Variants in RALGPS2 observed in about 807,000 individuals in gnomAD.
The protein encoded by RALGPS2 is ras-specific guanine nucleotide-releasing factor RalGPS2.
In RALGPS2, 43 loss-of-function variants were observed where a neutral mutation model predicts 86.8. The observed-to-expected ratio is 0.50, with a 90% CI of 0.39 to 0.64. The LOEUF (loss-of-function observed/expected upper bound fraction) is 0.64. Ranked by LOEUF, RALGPS2 falls within the 30% of genes least tolerant of loss-of-function variation. The pLI is 0.00. For synonymous variants in RALGPS2, 243 were observed against 231.3 expected (o/e 1.05, Z -0.46); for missense variants, 536 against 694.6 (o/e 0.77, Z 2.57).
intron 6 of RALGPS2, among the ~76,000 whole-genome samples, chr1:178,814,428 GTCTC>G (rs761885056): frequency 1.3e-5 from 2 of 151,282 alleles, no homozygotes; most frequent in South Asian, 4.2e-4. Flanking sequence ...AAATTACTGA[GTCTC>G]TCTCTCTCTC....
At chr1:178,736,162 G>GT (rs1409494738) in intron 1 of RALGPS2, among the ~76,000 whole-genome samples, 28 of 147,206 alleles carry the variant, frequency 1.9e-4, no homozygotes, top group Admixed American at 9.5e-4. Context: ...TAATTTGTGG[G>GT]TTGTTTTTTT....
At chr1:178,862,006 A>G (rs1323204127) in intron 8 of RALGPS2, among the ~76,000 whole-genome samples, 2 of 151,906 alleles carry the variant, frequency 1.3e-5, no homozygotes, top group Admixed American at 6.6e-5. Context: ...CTGAATAGCT[A>G]GGATTACAGG....
intron 18 of RALGPS2, among the ~76,000 whole-genome samples, chr1:178,904,749 G>A (rs1275776499): frequency 6.6e-6 from 1 of 152,140 alleles, no homozygotes; most frequent in Non-Finnish European, 1.5e-5. Flanking sequence ...GGTGACTGTG[G>A]CCTTACGGTA....
chr1:178,770,507 CTTTTT>C (rs747336558), intron 1 of RALGPS2, among the ~76,000 whole-genome samples: 3,178 of 136,172 alleles, frequency 0.023, 43 homozygotes, highest in Middle Eastern at 0.054. Context: ...ATACTTCATA[CTTTTT>C]TTTTTTTTTT....
intron 19 of RALGPS2, among the ~76,000 whole-genome samples, chr1:178,913,251 C>T (rs1660691558): frequency 6.6e-6 from 1 of 150,630 alleles, no homozygotes; most frequent in African/African-American, 2.4e-5. Flanking sequence ...CACCGCACTC[C>T]AGCCTGGGCA....
chr1:178,895,003 G>A (rs1659877185), intron 16 of RALGPS2, among the ~76,000 whole-genome samples: 1 of 151,850 alleles, frequency 6.6e-6, no homozygotes, highest in South Asian at 2.1e-4. Flanking sequence ...CTGTAATACA[G>A]TTTTGTTTTC....
intron 7 of RALGPS2, 94 bp downstream of exon 7, chr1:178,821,798 A>G (rs1271888472): frequency 6.2e-6 from 6 of 961,182 alleles, no homozygotes; most frequent in Non-Finnish European, 9.4e-6. Flanking sequence ...AAGTTAATAT[A>G]ATGATAATCA....
At position 178,840,780 on chromosome 1, in the gene RALGPS2, G is replaced by A. The variant is rs114302604; in HGVS notation, c.607+7230G>A. On this transcript the variant is annotated intron_variant, in intron 8 of 19. Coordinates refer to ENST00000367635, the MANE Select transcript of RALGPS2 (RefSeq NM_152663.5). ...CTATATATATAATAAAGAAAAGGGA[G>A]GAATCAAACAGACACAATAAAAAAT... Among the ~76,000 whole-genome samples the A allele has an allele frequency of 5.7e-3, 864 of 151,100 alleles. 7 individuals carry two copies. Among genetic ancestry groups the A allele is most frequent in the African/African-American group, 0.02 (809 of 41,262 alleles).
chr1:178,871,965 T>C (rs1658783935), intron 8 of RALGPS2, among the ~76,000 whole-genome samples: 1 of 152,230 alleles, frequency 6.6e-6, no homozygotes, highest in Admixed American at 6.5e-5. Context: ...ATTGAAGAAA[T>C]GTTAAATAAC....
At chr1:178,812,920 G>A (rs1655050960) in intron 6 of RALGPS2, among the ~76,000 whole-genome samples, 1 of 148,234 alleles carries the variant, frequency 6.7e-6, no homozygotes. Flanking sequence ...TGATATGTTA[G>A]GTAAATACTT....
intron 4 of RALGPS2, among the ~76,000 whole-genome samples, chr1:178,799,892 T>C (rs1052473090): frequency 1.3e-5 from 2 of 152,074 alleles, no homozygotes; most frequent in Non-Finnish European, 2.9e-5. Flanking sequence ...CCCAAAACAA[T>C]AAATTTCAGC....
chr1:178,861,114 T>G (rs1657977725), intron 8 of RALGPS2, among the ~76,000 whole-genome samples: 1 of 152,212 alleles, frequency 6.6e-6, no homozygotes, highest in African/African-American at 2.4e-5. Context: ...CAAGGTCACA[T>G]AACAAAGGTA....
intron 1 of RALGPS2, among the ~76,000 whole-genome samples, chr1:178,767,048 C>T (rs1188472328): frequency 2.0e-5 from 3 of 152,130 alleles, no homozygotes; most frequent in Non-Finnish European, 4.4e-5. Context: ...GTGAGTTTTT[C>T]AGTTCCTTCA....
intron 4 of RALGPS2, among the ~76,000 whole-genome samples, chr1:178,793,577 C>T (rs1654057841): frequency 6.6e-6 from 1 of 151,924 alleles, no homozygotes; most frequent in South Asian, 2.1e-4. Context: ...GGGGGGCTGT[C>T]ACAAGTCAAG....
At chr1:178,852,371 G>A (rs561138819) in intron 8 of RALGPS2, among the ~76,000 whole-genome samples, 17 of 152,172 alleles carry the variant, frequency 1.1e-4, no homozygotes, top group Non-Finnish European at 2.1e-4. Context: ...AACAGTGCCT[G>A]GCACGTGGTA....
At chr1:178,901,066 C>T (rs946038984) in intron 17 of RALGPS2, among the ~76,000 whole-genome samples, 5 of 152,032 alleles carry the variant, frequency 3.3e-5, no homozygotes, top group African/African-American at 1.2e-4. Context: ...TTACTGATTT[C>T]TTTAGCTTTC....
At chr1:178,765,209 C>A (rs1013823839) in intron 1 of RALGPS2, among the ~76,000 whole-genome samples, 1 of 150,370 alleles carries the variant, frequency 6.7e-6, no homozygotes, top group Non-Finnish European at 1.5e-5. Flanking sequence ...GGCTGGAGTT[C>A]AGTGGTGCAG....
At chr1:178,909,651 T>C (rs1660536920) in intron 19 of RALGPS2, among the ~76,000 whole-genome samples, 1 of 139,192 alleles carries the variant, frequency 7.2e-6, no homozygotes, top group Non-Finnish European at 1.6e-5. Flanking sequence ...TAATTTTTTT[T>C]TTTTTTTTTT....
chr1:178,730,277 G>A (rs1383189744), intron 1 of RALGPS2, among the ~76,000 whole-genome samples: 1 of 152,062 alleles, frequency 6.6e-6, no homozygotes, highest in African/African-American at 2.4e-5. Context: ...AATTTTAGCT[G>A]TTGTCTGTTG....
Sources: gnomAD v4.1 joint callset for allele counts (sites outside exome capture counted in the v4.1 genomes callset) on GRCh38, gnomAD v4.1.1 for gene constraint, MANE v1.5 for transcripts, NCBI Gene and HGNC (gene_info 2026-07-23, HGNC 2026-07-21) for gene names.